The following ESRRG variants were observed in gnomAD, a reference collection of about 807,000 sequenced individuals.
ESRRG encodes estrogen related receptor gamma.
Under a neutral mutation model 44.0 loss-of-function variants are expected in ESRRG, and 13 were observed. The observed-to-expected ratio is 0.30, with a 90% CI of 0.19 to 0.47. The LOEUF (loss-of-function observed/expected upper bound fraction) is 0.47. Among genes scored for constraint, ESRRG ranks in the 20% least tolerant of loss-of-function variants. The pLI is 1.00. For synonymous variants in ESRRG, 215 were observed against 214.6 expected, an observed-to-expected ratio of 1.00 and a Z score of -0.02; for missense variants, 395 against 580.6, an observed-to-expected ratio of 0.68 and a Z score of 3.29.
intron 2 of ESRRG, among the ~76,000 whole-genome samples, chr1:216,870,787 A>G (rs2096249332): frequency 6.6e-6 from 1 of 151,928 alleles, no homozygotes; most frequent in South Asian, 2.1e-4. Flanking sequence ...GATTTTTTTC[A>G]TAGTATTATC....
intron 3 of ESRRG, among the ~76,000 whole-genome samples, chr1:216,631,014 G>A (rs1319290471): frequency 1.3e-5 from 2 of 151,550 alleles, no homozygotes; most frequent in African/African-American, 2.4e-5. Context: ...TGTCAGTGAC[G>A]GGGAAAAATG....
At chr1:216,541,683 T>C (rs1356514340) in intron 5 of ESRRG, among the ~76,000 whole-genome samples, 4 of 151,606 alleles carry the variant, frequency 2.6e-5, no homozygotes, top group Non-Finnish European at 5.9e-5. Context: ...ATGACCAAAG[T>C]CTTTGCTTGT....
intron 1 of ESRRG, among the ~76,000 whole-genome samples, chr1:217,045,257 CA>C (rs571427407): frequency 5.5e-4 from 83 of 150,894 alleles, no homozygotes; most frequent in Non-Finnish European, 8.3e-4. Context: ...CTAAAAGCAG[CA>C]AAAAAAAATT....
chr1:216,748,071 G>C (rs1462951510), intron 2 of ESRRG, among the ~76,000 whole-genome samples: 1 of 152,112 alleles, frequency 6.6e-6, no homozygotes, highest in African/African-American at 2.4e-5. Context: ...GGACTATATT[G>C]GGATGTAATT....
At chr1:216,852,852 T>C (rs546646707) in intron 2 of ESRRG, among the ~76,000 whole-genome samples, 1 of 121,934 alleles carries the variant, frequency 8.2e-6, no homozygotes, top group East Asian at 2.0e-4. Context: ...ATGTTAAGAT[T>C]TAATTGTTTG....
chr1:216,951,741 G>GTGTT (rs2150078329), intron 1 of ESRRG, among the ~76,000 whole-genome samples: 1 of 151,444 alleles, frequency 6.6e-6, no homozygotes, highest in East Asian at 1.9e-4. Flanking sequence ...GTGTGTGTGT[G>GTGTT]TGTGTGTGTG....
chr1:217,006,473 A>T (rs751778200), intron 1 of ESRRG, among the ~76,000 whole-genome samples: 33 of 152,260 alleles, frequency 2.2e-4, no homozygotes, highest in Non-Finnish European at 4.4e-4. Context: ...CCAACATTGC[A>T]CTACAGTTAC....
chr1:216,857,545 T>A (rs1008564743), intron 2 of ESRRG, among the ~76,000 whole-genome samples: 1 of 151,876 alleles, frequency 6.6e-6, no homozygotes. Context: ...TATTTAAAAA[T>A]AAACATTAAA....
chr1:216,933,511 T>G (rs1014234954), intron 2 of ESRRG, among the ~76,000 whole-genome samples: 2 of 152,118 alleles, frequency 1.3e-5, no homozygotes, highest in African/African-American at 2.4e-5. Context: ...CATGGCTGAT[T>G]TGAGCTACCA....
intron 2 of ESRRG, among the ~76,000 whole-genome samples, chr1:216,831,608 A>C (rs906405393): frequency 2.0e-5 from 3 of 152,136 alleles, no homozygotes; most frequent in African/African-American, 7.2e-5. Flanking sequence ...GAAATCGTGA[A>C]TAATGCGACA....
intron 1 of ESRRG, among the ~76,000 whole-genome samples, chr1:216,679,321 C>G (rs1304537619): frequency 1.3e-5 from 2 of 152,068 alleles, no homozygotes; most frequent in African/African-American, 4.8e-5. Flanking sequence ...TCCTTGTCTC[C>G]TTAGCACTCT....
intron 5 of ESRRG, among the ~76,000 whole-genome samples, chr1:216,539,254 A>G (rs2051947319): frequency 6.6e-6 from 1 of 151,894 alleles, no homozygotes; most frequent in Non-Finnish European, 1.5e-5. Context: ...GGTTAAATAT[A>G]TTTGCTGACA....
intron 1 of ESRRG, among the ~76,000 whole-genome samples, chr1:216,964,663 C>T (rs2069860218): frequency 6.6e-6 from 1 of 152,046 alleles, no homozygotes; most frequent in Admixed American, 6.6e-5. Context: ...CCCAAACTCA[C>T]TTCTTCTTTC....
intron 2 of ESRRG, among the ~76,000 whole-genome samples, chr1:216,931,586 C>T (rs1429961649): frequency 6.6e-6 from 1 of 152,002 alleles, no homozygotes; most frequent in Non-Finnish European, 1.5e-5. Flanking sequence ...CACCCCGCCT[C>T]CCAACTGGCC....
chr1:216,525,658 T>C (rs182893615), intron 5 of ESRRG, among the ~76,000 whole-genome samples: 12 of 152,256 alleles, frequency 7.9e-5, no homozygotes, highest in Admixed American at 2.6e-4. Flanking sequence ...TGCCATATAA[T>C]ATAGGACTCT....
chr1:216,837,778 A>C (rs528010642), intron 2 of ESRRG, among the ~76,000 whole-genome samples: 7 of 152,308 alleles, frequency 4.6e-5, no homozygotes, highest in African/African-American at 1.7e-4. Flanking sequence ...GTCTTTTGTA[A>C]GATTAACAAT....
chr1:216,749,471 A>G (rs549125119), intron 2 of ESRRG, among the ~76,000 whole-genome samples: 4 of 152,314 alleles, frequency 2.6e-5, no homozygotes, highest in Admixed American at 2.0e-4. Flanking sequence ...CCACAGGAGC[A>G]CAATGTTCTT....
chr1:216,836,093 C>CAAAAAA, intron 2 of ESRRG, among the ~76,000 whole-genome samples: 1 of 97,780 alleles, frequency 1.0e-5, no homozygotes, highest in Non-Finnish European at 2.2e-5. Context: ...GCTGCGATTT[C>CAAAAAA]AAAAAAAAAA....
At chr1:216,895,146 C>T (rs941928155) in intron 2 of ESRRG, among the ~76,000 whole-genome samples, 1 of 152,114 alleles carries the variant, frequency 6.6e-6, no homozygotes, top group African/African-American at 2.4e-5. Context: ...AACATCACTG[C>T]ATTTCCTTGA....
Sources: allele counts gnomAD v4.1 joint callset (sites outside exome capture counted in the v4.1 genomes callset), GRCh38; gene constraint gnomAD v4.1.1; transcripts MANE v1.5; gene names NCBI Gene and HGNC (gene_info 2026-07-23, HGNC 2026-07-21).